Variants in HDHD5 observed in about 807,000 individuals in gnomAD.
The protein encoded by HDHD5 is haloacid dehalogenase-like hydrolase domain-containing 5.
Under a neutral mutation model 35.5 loss-of-function variants are expected in HDHD5, and 34 were observed. The observed-to-expected ratio is 0.96, with a 90% CI of 0.73 to 1.28. The LOEUF is 1.28. Among genes scored for constraint, HDHD5 ranks in the 50% most tolerant of loss-of-function variants. The pLI is 0.00. For synonymous variants in HDHD5, 248 were observed against 240.6 expected (o/e 1.03, Z -0.29); for missense variants, 589 against 560.2 (o/e 1.05, Z -0.52).
chr22:17,154,707 C>CAACCTCCTGAGCTCAAAGG (rs1435416838), intron 1 of HDHD5, among the ~76,000 whole-genome samples: 2 of 150,700 alleles, frequency 1.3e-5, no homozygotes, highest in Non-Finnish European at 2.9e-5. Flanking sequence ...ACTGCAACCT[C>CAACCTCCTGAGCTCAAAGG]AACCTCCTGA....
rs1159514835 is a variant in HDHD5, at chr22:17,141,226, G to A, written c.579C>T (p.Leu193=). The A allele has an allele frequency of 1.3e-6, 2 of 1,591,556 alleles. No homozygotes were observed. The highest frequency in any genetic ancestry group is 1.8e-5 in the Admixed American group (1 of 56,506). ...CCCAGCGGACCGGCTCCCCTAGGAG[G>A]AGCACCCCTTTAAAGAACAGAGGCG... ...RNDFPRIEGV[L]LLGEPVRWET... is the part of the protein sequence containing the mutation. The change falls in exon 6 of 8, where the codon CTC becomes CTT. Residue 193 remains leucine (L), a synonymous_variant. Coordinates refer to ENST00000336737, the MANE Select transcript of HDHD5 (RefSeq NM_033070.3).
At chr22:17,157,085 T>TACACACACACAC (rs58807817) in intron 1 of HDHD5, among the ~76,000 whole-genome samples, 9,902 of 143,650 alleles carry the variant, frequency 0.069, 378 homozygotes, top group Middle Eastern at 0.092. Flanking sequence ...CTCACACACA[T>TACACACACACAC]ACACACACAC....
Position 17,148,917 on chromosome 22 carries a change from C to T in HDHD5, c.331-357G>A, listed in dbSNP as rs143256674. Among the ~76,000 whole-genome samples the T allele has an allele frequency of 1.5e-3, 234 of 152,288 alleles. 1 individual carries two copies. The highest frequency in any genetic ancestry group is 2.6e-3 in the Non-Finnish European group (177 of 68,024). Reference sequence around the variant, plus strand: ...CACTGTCGCAGAAACTGGTCTTTTACTTTCTATTTTCATTCCTGCTAAGAG... The same window carrying T: ...CACTGTCGCAGAAACTGGTCTTTTATTTTCTATTTTCATTCCTGCTAAGAG... On this transcript the variant is annotated intron_variant, in intron 2 of 7. Transcript: ENST00000336737.
chr22:17,153,586 A>G lies in HDHD5; in HGVS notation c.127-3841T>C, dbSNP rs142566357. Among the ~76,000 whole-genome samples, 319 of 152,362 alleles carry G rather than the reference A, an allele frequency of 2.1e-3. 1 individual carries two copies. Among genetic ancestry groups the G allele is most frequent in the Non-Finnish European group, 3.0e-3 (207 of 68,034 alleles). The stretch of plus-strand genomic sequence containing the variant: ...CCCACAGATAGATTTCAGGATGGCC[A>G]TAAATCCCCTTTAAACACTACAAGC... On this transcript the variant is annotated intron_variant, in intron 1 of 7. Transcript: ENST00000336737.
Position 17,138,628 on chromosome 22 carries a change from T to C in HDHD5, c.857A>G (p.Gln286Arg), listed in dbSNP as rs1368959094. Residue 286 changes from glutamine to arginine, a missense_variant, in exon 7 of 8, where the codon CAG becomes CGG. Physicochemically the swap from Gln to Arg is conservative, Grantham distance 43. Coordinates refer to ENST00000336737, the MANE Select transcript of HDHD5 (RefSeq NM_033070.3). ...TCGCCTGATCAGGTCCTCGGCATAC[T>C]GGTAAGTGAGGATGCTGGGTTTGCC... ...LMGKPSILTY[Q>R]YAEDLIRRQA... 5 of 1,614,066 alleles carry C rather than the reference T, an allele frequency of 3.1e-6. No homozygotes were observed. The African/African-American group carries it at 5.3e-5, about 17-fold the overall frequency.
chr22:17,163,108 G>T (rs2123887468), upstream of HDHD5, among the ~76,000 whole-genome samples: 1 of 152,306 alleles, frequency 6.6e-6, no homozygotes, highest in South Asian at 2.1e-4. Context: ...TCCAGATTAT[G>T]TTTTGTACCG....
At chr22:17,152,095 G>A (rs2061733191) in intron 1 of HDHD5, among the ~76,000 whole-genome samples, 1 of 152,152 alleles carries the variant, frequency 6.6e-6, no homozygotes, top group Non-Finnish European at 1.5e-5. Flanking sequence ...CAGTCTACAG[G>A]GAGCCTTGCA....
chr22:17,139,998 T>A (rs926172212), intron 6 of HDHD5, among the ~76,000 whole-genome samples: 25 of 152,172 alleles, frequency 1.6e-4, no homozygotes, highest in Admixed American at 7.8e-4. Flanking sequence ...TGATCTAGTG[T>A]CAGCATACCC....
Position 17,137,744 on chromosome 22 carries a change from C to T in HDHD5, c.*277G>A. 1 of 417,492 alleles carries T rather than the reference C, an allele frequency of 2.4e-6. No homozygotes were observed. The highest frequency in any genetic ancestry group is 4.4e-6 in the Non-Finnish European group (1 of 228,996). The allele number at this position is 417,492 out of a possible 1,614,324, so 25.9% of individuals were successfully genotyped here. On this transcript the variant is annotated 3_prime_UTR_variant, in exon 8 of 8. Transcript: ENST00000336737. ...TACTGAAATGAGAAGGACACTGAGG[C>T]ACACAGGGGAAGAGAATGGCCTGAG...
At chr22:17,139,729 T>C (rs1314016406) in intron 6 of HDHD5, among the ~76,000 whole-genome samples, 1 of 152,006 alleles carries the variant, frequency 6.6e-6, no homozygotes, top group Non-Finnish European at 1.5e-5. Flanking sequence ...CCTGCCACCA[T>C]GCCCGGCTAA....
intron 1 of HDHD5, among the ~76,000 whole-genome samples, chr22:17,150,485 T>A (rs575754106): frequency 1.3e-5 from 2 of 152,130 alleles, no homozygotes; most frequent in East Asian, 1.9e-4. Flanking sequence ...TGACTTTGTT[T>A]TCCATCTTAC....
chr22:17,145,676 A>G (rs941275116), intron 3 of HDHD5, among the ~76,000 whole-genome samples: 7 of 151,900 alleles, frequency 4.6e-5, no homozygotes, highest in Non-Finnish European at 2.9e-5. Flanking sequence ...TGGGCAACAG[A>G]GTGTGACCCT....
intron 1 of HDHD5, among the ~76,000 whole-genome samples, chr22:17,155,703 C>T (rs2061782043): frequency 1.3e-5 from 2 of 152,146 alleles, no homozygotes; most frequent in Non-Finnish European, 2.9e-5. Context: ...CACCCAGTAC[C>T]ATAAAAAGTG....
intron 1 of HDHD5, among the ~76,000 whole-genome samples, chr22:17,151,898 C>A (rs1298535400): frequency 6.6e-6 from 1 of 152,178 alleles, no homozygotes; most frequent in African/African-American, 2.4e-5. Context: ...TAGGTAAGTT[C>A]TAAATAAATA....
chr22:17,141,196 G>C lies in HDHD5; in HGVS notation c.609C>G (p.Thr203=). ...LLLGEPVRWE[T]SLQLIMDVLL... The stretch of plus-strand genomic sequence containing the variant: ...GGACATCCATGATCAGCTGCAGGCT[G>C]GTCTCCCAGCGGACCGGCTCCCCTA... Residue 203 remains threonine, a synonymous_variant, in exon 6 of 8, where the codon ACC becomes ACG. Transcript: ENST00000336737. 1 of 1,598,138 alleles carries C rather than the reference G, an allele frequency of 6.3e-7. No individual in the cohort carries two copies. The highest frequency in any genetic ancestry group is 8.5e-7 in the Non-Finnish European group (1 of 1,172,840).
chr22:17,143,830 T>G (rs5748896), intron 4 of HDHD5, among the ~76,000 whole-genome samples: 4,561 of 152,316 alleles, frequency 0.03, 132 homozygotes, highest in East Asian at 0.13. Context: ...GTCGTCAAAC[T>G]GTGAGAATGG....
chr22:17,150,581 T>C (rs7286316), intron 1 of HDHD5, among the ~76,000 whole-genome samples: 39,486 of 150,684 alleles, frequency 0.26, 5,522 homozygotes, highest in Middle Eastern at 0.33. Flanking sequence ...TGCAGCAGCG[T>C]TATCTCAGCT....
chr22:17,149,606 G>T lies in HDHD5; in HGVS notation c.266C>A (p.Thr89Lys), dbSNP rs761184851. 1.5e-5 allele frequency: 25 copies of T among 1,613,120 alleles called. No homozygotes were observed. The highest frequency in any genetic ancestry group is 1.9e-5 in the Non-Finnish European group (22 of 1,180,028). The change falls in exon 2 of 8, where the codon ACA becomes AAA. Residue 89 changes from threonine (T) to lysine (K), a missense_variant. Physicochemically the swap from Thr to Lys is moderately conservative, Grantham distance 78. Coordinates refer to ENST00000336737, the MANE Select transcript of HDHD5 (RefSeq NM_033070.3). ...GQLRVPVVFVTNAGNILQHSK... is the reference protein window; with the variant it reads ...GQLRVPVVFVKNAGNILQHSK... ...GTGTTGTAAGATGTTCCCAGCATTT[G>T]TAACAAAAACCACGGGCACCCGCAG... is the stretch of plus-strand genomic sequence containing the variant.
intron 2 of HDHD5, among the ~76,000 whole-genome samples, chr22:17,149,258 G>A (rs2061699044): frequency 1.3e-5 from 2 of 152,240 alleles, no homozygotes; most frequent in Admixed American, 6.5e-5. Context: ...AAGGTGTGAC[G>A]CCAGAGCCAC....
Sources: gnomAD v4.1 joint callset for allele counts (sites outside exome capture counted in the v4.1 genomes callset) on GRCh38, gnomAD v4.1.1 for gene constraint, MANE v1.5 for transcripts, NCBI Gene and HGNC (gene_info 2026-07-23, HGNC 2026-07-21) for gene names.